The following SNX29 variants were observed in gnomAD, a reference collection of about 807,000 sequenced individuals.
SNX29 encodes the protein sorting nexin 29.
Under a neutral mutation model 102.1 loss-of-function variants are expected in SNX29, and 78 were observed. The ratio of observed to expected loss-of-function variants is 0.76; its 90% confidence interval spans 0.64 to 0.92. SNX29 has a LOEUF of 0.92. SNX29 is among the 40% of genes least tolerant of loss of function. SNX29 has a pLI of 0.00. For synonymous variants in SNX29, 580 were observed against 414.5 expected, an observed-to-expected ratio of 1.40 and a Z score of -4.85; for missense variants, 1,280 against 1,061.7, an observed-to-expected ratio of 1.21 and a Z score of -2.86.
chr16:12,421,339 G>T (rs2084862675), intron 18 of SNX29, among the ~76,000 whole-genome samples: 1 of 152,190 alleles, frequency 6.6e-6, no homozygotes, highest in African/African-American at 2.4e-5. Context: ...CAAAGATTTA[G>T]CCAGGGAGAG....
At chr16:12,114,680 G>T (rs985617813) in intron 11 of SNX29, among the ~76,000 whole-genome samples, 3 of 151,850 alleles carry the variant, frequency 2.0e-5, no homozygotes, top group African/African-American at 7.3e-5. Flanking sequence ...TCCGCCTCCT[G>T]GGTTCAAGCG....
chr16:12,029,548 C>T (rs530914086), intron 4 of SNX29: 4 of 453,480 alleles, frequency 8.8e-6, no homozygotes, highest in Admixed American at 4.7e-5. Flanking sequence ...GAACCACTGC[C>T]GTTATTGGCG....
chr16:12,563,906 G>A (rs752171224), intron 20 of SNX29, among the ~76,000 whole-genome samples: 14 of 152,200 alleles, frequency 9.2e-5, no homozygotes, highest in Non-Finnish European at 1.3e-4. Flanking sequence ...CTCTGGAGCA[G>A]GCAGCCGAAG....
At chr16:12,530,776 A>G (rs1206836488) in intron 20 of SNX29, among the ~76,000 whole-genome samples, 4 of 152,234 alleles carry the variant, frequency 2.6e-5, no homozygotes, top group South Asian at 2.1e-4. Context: ...GGAGTGTCTC[A>G]AACTCCTGAC....
intron 15 of SNX29, among the ~76,000 whole-genome samples, chr16:12,305,100 C>G (rs946108184): frequency 1.3e-5 from 2 of 152,296 alleles, no homozygotes; most frequent in South Asian, 2.1e-4. Flanking sequence ...CTATAAAAAT[C>G]TGGTTATTTC....
intron 18 of SNX29, among the ~76,000 whole-genome samples, chr16:12,436,088 C>T (rs776758016): frequency 1.1e-4 from 17 of 152,266 alleles, no homozygotes; most frequent in African/African-American, 2.2e-4. Context: ...CCGCACACAC[C>T]GTGAGTTTTA....
At chr16:12,106,150 A>C (rs2053227088) in intron 11 of SNX29, among the ~76,000 whole-genome samples, 1 of 152,146 alleles carries the variant, frequency 6.6e-6, no homozygotes, top group Non-Finnish European at 1.5e-5. Flanking sequence ...GGCTTCTGTG[A>C]GTTTCATCTG....
intron 16 of SNX29, among the ~76,000 whole-genome samples, chr16:12,385,275 A>G (rs2083303959): frequency 6.6e-6 from 1 of 152,248 alleles, no homozygotes; most frequent in Admixed American, 6.5e-5. Context: ...CTTTGAAAGA[A>G]TAAACCTTGA....
chr16:12,546,153 C>T (rs934117132), intron 20 of SNX29: 3 of 152,186 alleles, frequency 2.0e-5, no homozygotes, highest in Admixed American at 1.3e-4. Context: ...TAACCTCCAC[C>T]TGGTAACATA....
At chr16:12,162,144 C>G (rs140730036) in intron 13 of SNX29, among the ~76,000 whole-genome samples, 3 of 152,268 alleles carry the variant, frequency 2.0e-5, no homozygotes, top group Non-Finnish European at 2.9e-5. Context: ...AACTGGATGG[C>G]TTTGCACGTG....
chr16:12,078,480 A>C (rs775381403), intron 10 of SNX29, among the ~76,000 whole-genome samples: 3 of 152,174 alleles, frequency 2.0e-5, no homozygotes, highest in Admixed American at 2.0e-4. Context: ...ATGGCAGTAA[A>C]TAGACAGCAA....
rs534253480 is a variant in SNX29, at chr16:12,550,583, G to C, written c.2319-17923G>C. On this transcript the variant is annotated intron_variant, in intron 20 of 20. Coordinates refer to ENST00000566228, the MANE Select transcript of SNX29 (RefSeq NM_032167.5). Reference sequence around the variant, plus strand: ...AATATGAGGATATATACTTCCACCGGTGCATACATACGTGCTTCTATGTGT... The same window carrying C: ...AATATGAGGATATATACTTCCACCGCTGCATACATACGTGCTTCTATGTGT... 2.1e-3 allele frequency among the ~76,000 whole-genome samples: 320 copies of C among 151,620 alleles called. 3 individuals carry two copies. Among genetic ancestry groups the C allele is most frequent in the Non-Finnish European group, 2.5e-3 (170 of 67,966 alleles).
intron 13 of SNX29, among the ~76,000 whole-genome samples, chr16:12,162,516 A>G (rs1312178633): frequency 6.6e-6 from 1 of 152,256 alleles, no homozygotes; most frequent in Non-Finnish European, 1.5e-5. Context: ...GAGACATTAC[A>G]TAAATGAGTG....
chr16:12,045,369 T>C (rs2050044399), intron 5 of SNX29, among the ~76,000 whole-genome samples: 2 of 149,542 alleles, frequency 1.3e-5, no homozygotes, highest in African/African-American at 2.5e-5. Flanking sequence ...AGTTATGGCA[T>C]TGGGGATTTT....
intron 18 of SNX29, among the ~76,000 whole-genome samples, chr16:12,440,071 C>G (rs1467838087): frequency 6.6e-6 from 1 of 152,152 alleles, no homozygotes; most frequent in Admixed American, 6.5e-5. Context: ...ATGTCACCCA[C>G]CCCACCGGAT....
intron 14 of SNX29, among the ~76,000 whole-genome samples, chr16:12,227,236 C>G (rs555264253): frequency 3.3e-5 from 5 of 152,156 alleles, no homozygotes; most frequent in African/African-American, 1.2e-4. Flanking sequence ...CTGAATGTTC[C>G]GATCATGACC....
At chr16:12,375,046 G>A (rs2082822344) in intron 16 of SNX29, 1 of 152,084 alleles carries the variant, frequency 6.6e-6, no homozygotes, top group Admixed American at 6.5e-5. Context: ...GTGAGACCCT[G>A]TCTTAAAAAA....
At chr16:12,133,257 T>C (rs1459293353) in intron 13 of SNX29, among the ~76,000 whole-genome samples, 1 of 151,156 alleles carries the variant, frequency 6.6e-6, no homozygotes, top group Non-Finnish European at 1.5e-5. Context: ...ACTTAACTTC[T>C]CTGTTTCTGT....
intron 18 of SNX29, among the ~76,000 whole-genome samples, chr16:12,472,622 C>T (rs1241932946): frequency 2.0e-5 from 3 of 149,196 alleles, no homozygotes; most frequent in African/African-American, 7.4e-5. Context: ...TTGATTAGAA[C>T]AGGGCACAGT....
Sources: gnomAD v4.1 joint callset for allele counts (sites outside exome capture counted in the v4.1 genomes callset) on GRCh38, gnomAD v4.1.1 for gene constraint, MANE v1.5 for transcripts, NCBI Gene and HGNC (gene_info 2026-07-23, HGNC 2026-07-21) for gene names.